Variants in DACH2 observed in about 807,000 individuals in gnomAD.
DACH2 encodes dachshund family transcription factor 2.
In DACH2, 17 loss-of-function variants were observed where a neutral mutation model predicts 35.8. The observed-to-expected ratio is 0.48, with a 90% CI of 0.33 to 0.71. The LOEUF is 0.71. Among genes scored for constraint, DACH2 ranks in the 30% least tolerant of loss-of-function variants. DACH2 has a pLI of 0.02. For missense variants in DACH2, 469 were observed against 472.7 expected (o/e 0.99, Z 0.07); for synonymous variants, 195 against 177.3 (o/e 1.10, Z -0.79).
At chrX:86,400,210 A>G (rs369878097) in intron 2 of DACH2, among the ~76,000 whole-genome samples, 1 of 111,378 alleles carries the variant, frequency 9.0e-6, no homozygotes, top group East Asian at 2.8e-4. Flanking sequence ...CGTAATTCTC[A>G]TGCCGTGGTT....
At chrX:86,607,557 CTGAT>C (rs777982352) in intron 3 of DACH2, among the ~76,000 whole-genome samples, 1 of 110,983 alleles carries the variant, frequency 9.0e-6, no homozygotes, top group East Asian at 2.8e-4. Flanking sequence ...ATTGTACTGT[CTGAT>C]TATCTTGAAA....
At chrX:86,425,739 T>C (rs922199899) in intron 2 of DACH2, among the ~76,000 whole-genome samples, 2 of 111,111 alleles carry the variant, frequency 1.8e-5, no homozygotes, top group African/African-American at 6.5e-5. Flanking sequence ...CTTTACTTAC[T>C]CTGAGTTATA....
At chrX:86,232,180 G>A (rs888047997) in intron 1 of DACH2, among the ~76,000 whole-genome samples, 1 of 111,093 alleles carries the variant, frequency 9.0e-6, no homozygotes, top group African/African-American at 3.3e-5. Context: ...ATCTTGAAAA[G>A]ATAACATATA....
intron 1 of DACH2, among the ~76,000 whole-genome samples, chrX:86,205,467 TCCTTCCC>T (rs1569301542): frequency 1.4e-4 from 6 of 42,259 alleles, no homozygotes; most frequent in African/African-American, 1.1e-3. Context: ...CCTCCCTCCC[TCCTTCCC>T]TCCTTCCCTC....
intron 1 of DACH2, among the ~76,000 whole-genome samples, chrX:86,366,674 G>A (rs2035810851): frequency 1.8e-5 from 2 of 110,794 alleles, no homozygotes; most frequent in African/African-American, 3.3e-5. Context: ...CACTGGAGGG[G>A]GGTCCTGGTG....
intron 3 of DACH2, among the ~76,000 whole-genome samples, chrX:86,648,732 A>G (rs1347255788): frequency 9.0e-6 from 1 of 110,818 alleles, no homozygotes; most frequent in Non-Finnish European, 1.9e-5. Flanking sequence ...TACACATTAT[A>G]TATGTACAGA....
chrX:86,630,210 C>T (rs2040184070), intron 3 of DACH2, among the ~76,000 whole-genome samples: 2 of 109,818 alleles, frequency 1.8e-5, no homozygotes, highest in Admixed American at 9.8e-5. Flanking sequence ...GAAAAAACTG[C>T]CATTAAAAAA....
chrX:86,153,207 C>T (rs1439999458), intron 1 of DACH2, among the ~76,000 whole-genome samples: 1 of 110,909 alleles, frequency 9.0e-6, no homozygotes, highest in Non-Finnish European at 1.9e-5. Flanking sequence ...TTTAGTAATG[C>T]ATTTGGAGAC....
At chrX:86,226,183 T>C (rs1249218640) in intron 1 of DACH2, among the ~76,000 whole-genome samples, 9 of 111,863 alleles carry the variant, frequency 8.0e-5, no homozygotes, top group Non-Finnish European at 1.7e-4. Context: ...GAGAACGCTA[T>C]AAAAATGAAG....
chrX:86,422,261 G>C (rs958621002), intron 2 of DACH2, among the ~76,000 whole-genome samples: 4 of 110,794 alleles, frequency 3.6e-5, no homozygotes, highest in African/African-American at 1.3e-4. Flanking sequence ...GTTTCTATTT[G>C]ATCTTTTTTT....
chrX:86,318,659 C>T (rs769351826), intron 1 of DACH2, among the ~76,000 whole-genome samples: 1 of 110,957 alleles, frequency 9.0e-6, no homozygotes, highest in East Asian at 2.8e-4. Flanking sequence ...GTGCATTAGA[C>T]ATCATTTTGG....
chrX:86,367,421 TA>T (rs1182768564), intron 1 of DACH2, among the ~76,000 whole-genome samples: 5 of 111,548 alleles, frequency 4.5e-5, no homozygotes, highest in Non-Finnish European at 9.4e-5. Context: ...GCAATAACTT[TA>T]AATCAGAGGA....
intron 6 of DACH2, among the ~76,000 whole-genome samples, chrX:86,723,334 A>T (rs759394540): frequency 1.2e-3 from 114 of 96,393 alleles, no homozygotes; most frequent in African/African-American, 2.8e-3. Context: ...CCTTCTGCTA[A>T]TTTTTTTTTT....
At chrX:86,811,786 G>C (rs2042397385) in intron 7 of DACH2, among the ~76,000 whole-genome samples, 1 of 112,008 alleles carries the variant, frequency 8.9e-6, no homozygotes, top group Admixed American at 9.5e-5. Context: ...TCATATGAAA[G>C]ACTGTCAGCC....
At chrX:86,268,896 T>A (rs2033763178) in intron 1 of DACH2, among the ~76,000 whole-genome samples, 1 of 111,077 alleles carries the variant, frequency 9.0e-6, no homozygotes, top group Non-Finnish European at 1.9e-5. Context: ...CATGAGATGT[T>A]TTGATACAGG....
At chrX:86,238,799 T>C (rs1177492817) in intron 1 of DACH2, among the ~76,000 whole-genome samples, 2 of 111,761 alleles carry the variant, frequency 1.8e-5, no homozygotes, top group Non-Finnish European at 3.8e-5. Flanking sequence ...AGTTGTATGC[T>C]TTCTTTTTGT....
At chrX:86,416,030 A>C (rs1048701637) in intron 2 of DACH2, among the ~76,000 whole-genome samples, 1 of 112,182 alleles carries the variant, frequency 8.9e-6, no homozygotes, top group Non-Finnish European at 1.9e-5. Context: ...CATATTGCTA[A>C]TTTATATTGA....
At chrX:86,515,432 A>C (rs776872153) in intron 3 of DACH2, among the ~76,000 whole-genome samples, 1 of 110,290 alleles carries the variant, frequency 9.1e-6, no homozygotes, top group East Asian at 2.9e-4. Context: ...ATAGAAGAGT[A>C]CAGATAGATG....
intron 1 of DACH2, among the ~76,000 whole-genome samples, chrX:86,312,833 T>A (rs942044871): frequency 9.0e-6 from 1 of 111,462 alleles, no homozygotes; most frequent in Non-Finnish European, 1.9e-5. Context: ...CAATAAACTC[T>A]CCTATTAGTT....
Sources: gnomAD v4.1 joint callset for allele counts (sites outside exome capture counted in the v4.1 genomes callset) on GRCh38, gnomAD v4.1.1 for gene constraint, MANE v1.5 for transcripts, NCBI Gene and HGNC (gene_info 2026-07-23, HGNC 2026-07-21) for gene names.